NRXN1: variants seen among roughly 807,000 people sequenced by gnomAD.
NRXN1 encodes the protein neurexin-1.
Under a neutral mutation model 150.9 loss-of-function variants are expected in NRXN1, and 39 were observed. That is an observed-to-expected ratio of 0.26 (90% confidence interval 0.20 to 0.34). NRXN1 has a LOEUF of 0.34. Among genes scored for constraint, NRXN1 ranks in the 10% least tolerant of loss-of-function variants. The probability of loss-of-function intolerance (pLI) is 1.00; values close to 1 mark genes in which losing one functional copy is unlikely to be tolerated. For synonymous variants in NRXN1, 924 were observed against 757.0 expected, an observed-to-expected ratio of 1.22 and a Z score of -3.62; for missense variants, 1,815 against 1,949.9, an observed-to-expected ratio of 0.93 and a Z score of 1.30.
chr2:50,588,741 A>G (rs1310037794), intron 8 of NRXN1: 1 of 152,142 alleles, frequency 6.6e-6, no homozygotes, highest in Non-Finnish European at 1.5e-5. Context: ...CCCACAGTGA[A>G]GAGGAAGATG....
Position 50,278,706 on chromosome 2 carries a change from A to C in NRXN1, c.3365-41736T>G, listed in dbSNP as rs1412865676. 2.0e-5 allele frequency among the ~76,000 whole-genome samples: 3 copies of C among 152,166 alleles called. No homozygotes were observed. The East Asian group carries it at 5.8e-4, about 29-fold the overall frequency. On this transcript the variant is annotated intron_variant, in intron 17 of 22. Transcript: ENST00000401669. ...GAAAATTAGGCCTTACTGAGAAAAG[A>C]ACCCCTTTATGTCCAAAACGGTCCA...
intron 18 of NRXN1, among the ~76,000 whole-genome samples, chr2:50,112,813 T>G (rs1435713184): frequency 6.6e-6 from 1 of 152,100 alleles, no homozygotes; most frequent in Non-Finnish European, 1.5e-5. Context: ...TTTAAAATAA[T>G]ATCTTTATCA....
At chr2:50,984,367 CA>C (rs929167558) in intron 2 of NRXN1, among the ~76,000 whole-genome samples, 2 of 151,618 alleles carry the variant, frequency 1.3e-5, no homozygotes, top group African/African-American at 4.8e-5. Context: ...ATAAATAAAA[CA>C]AAAAGAAGAA....
chr2:50,738,888 T>C (rs1009160463), intron 5 of NRXN1, among the ~76,000 whole-genome samples: 3 of 152,138 alleles, frequency 2.0e-5, no homozygotes, highest in Non-Finnish European at 4.4e-5. Context: ...ACTGGATGCA[T>C]AGCAAGAAGA....
intron 17 of NRXN1, among the ~76,000 whole-genome samples, chr2:50,318,480 T>A (rs2075781500): frequency 6.6e-6 from 1 of 152,068 alleles, no homozygotes; most frequent in South Asian, 2.1e-4. Flanking sequence ...CAGAGTCACA[T>A]GAAACAGGGT....
chr2:50,565,407 T>C (rs1173357483), intron 8 of NRXN1, among the ~76,000 whole-genome samples: 1 of 152,166 alleles, frequency 6.6e-6, no homozygotes, highest in Non-Finnish European at 1.5e-5. Flanking sequence ...TCATTGAATA[T>C]TTTTAAATGA....
chr2:50,030,349 C>A (rs966127928), intron 21 of NRXN1, among the ~76,000 whole-genome samples: 1 of 152,078 alleles, frequency 6.6e-6, no homozygotes. Context: ...GCATGCCATA[C>A]TTTTCAGATC....
At chr2:50,400,722 A>G (rs1270772091) in intron 17 of NRXN1, among the ~76,000 whole-genome samples, 4 of 152,218 alleles carry the variant, frequency 2.6e-5, no homozygotes, top group African/African-American at 9.6e-5. Context: ...TATCTGCTAG[A>G]ATTCTGAATG....
chr2:50,855,210 C>G, intron 5 of NRXN1, among the ~76,000 whole-genome samples: 1 of 151,880 alleles, frequency 6.6e-6, no homozygotes, highest in Non-Finnish European at 1.5e-5. Context: ...TTTATTACTT[C>G]AAGTAGACTT....
chr2:50,321,185 C>G (rs978483936), intron 17 of NRXN1, among the ~76,000 whole-genome samples: 9 of 152,128 alleles, frequency 5.9e-5, no homozygotes, highest in African/African-American at 2.2e-4. Context: ...AGAGAGATAG[C>G]ACAGTATGCA....
intron 5 of NRXN1, among the ~76,000 whole-genome samples, chr2:50,769,696 G>A (rs1179126632): frequency 1.3e-5 from 2 of 152,006 alleles, no homozygotes; most frequent in East Asian, 1.9e-4. Context: ...CATTTGCCAA[G>A]CCTCATTATG....
chr2:50,670,317 T>C (rs1322009789), intron 5 of NRXN1, among the ~76,000 whole-genome samples: 1 of 151,840 alleles, frequency 6.6e-6, no homozygotes, highest in Non-Finnish European at 1.5e-5. Context: ...TAGTGAAAAC[T>C]TAACAAGTGC....
chr2:50,298,202 G>A (rs1308411214), intron 17 of NRXN1, among the ~76,000 whole-genome samples: 1 of 152,038 alleles, frequency 6.6e-6, no homozygotes, highest in Non-Finnish European at 1.5e-5. Context: ...CCTTTCTTCA[G>A]GGTCCCAATA....
intron 17 of NRXN1, among the ~76,000 whole-genome samples, chr2:50,285,903 G>A (rs758326145): frequency 6.6e-6 from 1 of 151,282 alleles, no homozygotes; most frequent in Non-Finnish European, 1.5e-5. Flanking sequence ...AATGCATGAT[G>A]GAATAAGGTA....
chr2:50,699,735 T>A (rs1482879960), intron 5 of NRXN1, among the ~76,000 whole-genome samples: 2 of 152,004 alleles, frequency 1.3e-5, no homozygotes, highest in Non-Finnish European at 2.9e-5. Context: ...GCCAACACCT[T>A]GCCTTTGGCC....
At chr2:50,522,932 C>T (rs1482474483) in intron 12 of NRXN1, among the ~76,000 whole-genome samples, 9 of 151,448 alleles carry the variant, frequency 5.9e-5, no homozygotes, top group African/African-American at 9.7e-5. Context: ...CGGGGTTTCA[C>T]CATGCTGGTC....
At chr2:50,634,741 C>T (rs17480206) in intron 5 of NRXN1, among the ~76,000 whole-genome samples, 10,304 of 152,094 alleles carry the variant, frequency 0.068, 459 homozygotes, top group Non-Finnish European at 0.095. Context: ...CTTACCATCA[C>T]CGCCCCCTCA....
rs570541543 is a variant in NRXN1, at chr2:50,169,426, T to C, written c.3546+67363A>G. On this transcript the variant is annotated intron_variant, in intron 18 of 22. Transcript: ENST00000401669. ...AATGTTAAATAAAAAAATATATGGATGAGGTAGGCAGGGCCCAGTGGCTCA... is the reference window on the plus strand; with the variant it reads ...AATGTTAAATAAAAAAATATATGGACGAGGTAGGCAGGGCCCAGTGGCTCA... 1.2e-3 allele frequency among the ~76,000 whole-genome samples: 190 copies of C among 152,054 alleles called. 1 individual carries two copies. The highest frequency in any genetic ancestry group is 2.5e-3 in the South Asian group (12 of 4,820).
intron 17 of NRXN1, among the ~76,000 whole-genome samples, chr2:50,449,443 T>C (rs1460574381): frequency 1.3e-5 from 2 of 152,206 alleles, no homozygotes; most frequent in African/African-American, 2.4e-5. Context: ...CTGCCCTTTT[T>C]ACATGCTTCT....
Sources: gnomAD v4.1 joint callset for allele counts (sites outside exome capture counted in the v4.1 genomes callset) on GRCh38, gnomAD v4.1.1 for gene constraint, MANE v1.5 for transcripts, NCBI Gene and HGNC (gene_info 2026-07-23, HGNC 2026-07-21) for gene names.